Variants in TPO observed in about 807,000 individuals in gnomAD.
TPO encodes the protein thyroid microsomal antigen.
In TPO, 78 loss-of-function variants were observed where a neutral mutation model predicts 96.9. The ratio of observed to expected loss-of-function variants is 0.81; its 90% CI spans 0.67 to 0.97. The LOEUF is 0.97. Ranked by LOEUF, TPO falls within the 50% of genes least tolerant of loss-of-function variation. The pLI is 0.00. For synonymous variants in TPO, 547 were observed against 538.0 expected (o/e 1.02, Z -0.23); for missense variants, 1,252 against 1,274.8 (o/e 0.98, Z 0.27).
chr2:1,501,775 G>A (rs996232564), intron 13 of TPO, among the ~76,000 whole-genome samples: 1 of 152,102 alleles, frequency 6.6e-6, no homozygotes, highest in African/African-American at 2.4e-5. Context: ...AGGGCATGCA[G>A]GAAGGACGCC....
At chr2:1,423,634 G>GAAAAACA (rs527443161) in intron 3 of TPO, among the ~76,000 whole-genome samples, 33 of 151,958 alleles carry the variant, frequency 2.2e-4, no homozygotes, top group African/African-American at 7.5e-4. Flanking sequence ...AAAAAGAAAA[G>GAAAAACA]AAAAACAAAA....
At chr2:1,536,797 CTGTGCAACCTCCCCAAATCCCCCCCACTG>C (rs1558438816) in intron 15 of TPO, among the ~76,000 whole-genome samples, 110 of 94,550 alleles carry the variant, frequency 1.2e-3, no homozygotes, top group Middle Eastern at 8.8e-3. Flanking sequence ...CCCCCGCAAT[CTGTGCAACCTCCCCAAATCCCCCCCACTG>C]TGTGCAACCT....
chr2:1,413,632 T>C (rs1455638092), intron 1 of TPO, 87 bp downstream of exon 1: 3 of 979,608 alleles, frequency 3.1e-6, no homozygotes, highest in Admixed American at 1.2e-4. Flanking sequence ...TGGCTGTAAT[T>C]TGGGCCATTA....
chr2:1,529,421 C>T (rs1169858825), intron 15 of TPO, among the ~76,000 whole-genome samples: 2 of 111,908 alleles, frequency 1.8e-5, no homozygotes, highest in African/African-American at 8.2e-5. Context: ...CAAATGCCCC[C>T]ACTGTGAGCA....
intron 1 of TPO, among the ~76,000 whole-genome samples, chr2:1,397,196 GA>G (rs1269282124): frequency 6.6e-6 from 1 of 152,090 alleles, no homozygotes; most frequent in Admixed American, 6.5e-5. Context: ...CTCAGCTGAG[GA>G]AAAAATCCAG....
At chr2:1,528,223 CTGTG>C (rs1338994846) in intron 15 of TPO, among the ~76,000 whole-genome samples, 1 of 112,730 alleles carries the variant, frequency 8.9e-6, no homozygotes, top group South Asian at 3.5e-4. Context: ...AATCCCCCCA[CTGTG>C]TGAAACCTCC....
intron 1 of TPO, among the ~76,000 whole-genome samples, chr2:1,399,509 G>T (rs1258503491): frequency 1.3e-5 from 2 of 152,192 alleles, no homozygotes; most frequent in Non-Finnish European, 2.9e-5. Context: ...TAATAAAACA[G>T]AACAATTATA....
chr2:1,442,137 G>A (rs531297848), intron 5 of TPO, among the ~76,000 whole-genome samples: 24 of 152,278 alleles, frequency 1.6e-4, no homozygotes, highest in Non-Finnish European at 2.5e-4. Context: ...AGGCCTCCAC[G>A]TGGAATCGTA....
intron 15 of TPO, among the ~76,000 whole-genome samples, chr2:1,538,258 T>A (rs1680309018): frequency 6.6e-6 from 1 of 152,180 alleles, no homozygotes; most frequent in African/African-American, 2.4e-5. Context: ...AGAGTGCAGT[T>A]AATATTTCTC....
chr2:1,396,855 A>G (rs1662089464), intron 1 of TPO, among the ~76,000 whole-genome samples: 2 of 152,190 alleles, frequency 1.3e-5, no homozygotes, highest in African/African-American at 2.4e-5. Flanking sequence ...GCAATTTTAA[A>G]ATAAAGCCGC....
chr2:1,383,816 G>C (rs1661847384), intron 1 of TPO, among the ~76,000 whole-genome samples: 1 of 152,190 alleles, frequency 6.6e-6, no homozygotes, highest in African/African-American at 2.4e-5. Flanking sequence ...GTCCTGAATG[G>C]TATTGCCTAG....
At chr2:1,378,704 T>C (rs748773410) in intron 1 of TPO, among the ~76,000 whole-genome samples, 1 of 152,156 alleles carries the variant, frequency 6.6e-6, no homozygotes, top group African/African-American at 2.4e-5. Flanking sequence ...GGTGTGACAG[T>C]GGGAGAAGAG....
chr2:1,519,178 C>G (rs1674999583), intron 15 of TPO, among the ~76,000 whole-genome samples: 1 of 152,226 alleles, frequency 6.6e-6, no homozygotes, highest in Non-Finnish European at 1.5e-5. Context: ...AGGTCATAAA[C>G]TGCTGTTTAA....
intron 5 of TPO, among the ~76,000 whole-genome samples, chr2:1,446,495 C>G (rs753228573): frequency 1.3e-5 from 2 of 152,184 alleles, no homozygotes; most frequent in Admixed American, 6.5e-5. Flanking sequence ...TTTGGCCCTT[C>G]TTGAGGGGAG....
chr2:1,385,745 G>C lies in TPO; in HGVS notation n.180+11343G>C, dbSNP rs1356687474. 3.3e-5 allele frequency among the ~76,000 whole-genome samples: 5 copies of C among 151,338 alleles called. No homozygotes were observed. In the East Asian group the frequency reaches 5.8e-4, roughly 18 times the overall value. ...CTGCTCTGATCTTAGTTATTTCTTG[G>C]CTTCTGCTAGCTTTTGAATGTGTTT... On this transcript the variant is annotated intron_variant and non_coding_transcript_variant, in intron 1 of 5. Coordinates refer to the TPO transcript ENST00000497517.
intron 5 of TPO, chr2:1,438,893 C>A (rs1665880385): frequency 2.8e-6 from 2 of 714,036 alleles, no homozygotes; most frequent in Admixed American, 2.0e-5. Flanking sequence ...CAGGACAGAC[C>A]AAATAATGCG....
intron 1 of TPO, among the ~76,000 whole-genome samples, chr2:1,374,645 T>G (rs889341437): frequency 3.3e-5 from 5 of 152,092 alleles, no homozygotes; most frequent in African/African-American, 9.7e-5. Context: ...AAAATGTTAA[T>G]GAGGATTTAT....
At chr2:1,407,733 A>C (rs556611716) in intron 1 of TPO, among the ~76,000 whole-genome samples, 1 of 152,356 alleles carries the variant, frequency 6.6e-6, no homozygotes, top group East Asian at 1.9e-4. Flanking sequence ...TAATGTTTCC[A>C]TTATCCCTTG....
In TPO at chr2:1,484,721, C is replaced by T. The variant is rs202005839; in HGVS notation, c.1464C>T (p.Ala488=). 32 of 1,614,152 alleles carry T rather than the reference C, an allele frequency of 2.0e-5. No individual in the cohort carries two copies. Among genetic ancestry groups the T allele is most frequent in the African/African-American group, 4.0e-5 (3 of 75,048 alleles). The change falls in exon 9 of 17, where the codon GCC becomes GCT. Residue 488 remains alanine (A), a synonymous_variant. Transcript: ENST00000329066. ...CTGTGTCCAACGTGTTCTCCACAGC[C>T]GCCTTCCGCTTCGGCCATGCCACGA... The part of the protein sequence containing the change: ...NPTVSNVFST[A]AFRFGHATIH...
Sources: gnomAD v4.1 joint callset for allele counts (sites outside exome capture counted in the v4.1 genomes callset) on GRCh38, gnomAD v4.1.1 for gene constraint, MANE v1.5 for transcripts, NCBI Gene and HGNC (gene_info 2026-07-23, HGNC 2026-07-21) for gene names.